The following TRAPPC8 variants were observed in gnomAD, a reference collection of about 807,000 sequenced individuals.
TRAPPC8 encodes the protein trafficking protein particle complex subunit 8, also known as general sporulation gene 1 homolog.
In TRAPPC8, 54 loss-of-function variants were observed where a neutral mutation model predicts 174.3. The ratio of observed to expected loss-of-function variants is 0.31; its 90% CI spans 0.25 to 0.39. TRAPPC8 has a LOEUF of 0.39. TRAPPC8 is among the 10% of genes least tolerant of loss of function. The pLI is 1.00. For synonymous variants in TRAPPC8, 630 were observed against 579.9 expected, an observed-to-expected ratio of 1.09 and a Z score of -1.24; for missense variants, 1,531 against 1,699.1, an observed-to-expected ratio of 0.90 and a Z score of 1.74.
In TRAPPC8 at chr18:31,866,884, A is replaced by G. The variant is rs541344916; in HGVS notation, c.2555T>C (p.Val852Ala). Reference protein sequence around the residue: ...NLGTIQGSMTVDGIGALPGCH... With the variant: ...NLGTIQGSMTADGIGALPGCH... The stretch of plus-strand genomic sequence containing the variant: ...TCCGGGAAGAGCACCAATGCCATCT[A>G]CTGTCATAGAGCCCTGAATAGTGCC... Residue 852 changes from valine to alanine, a missense_variant, in exon 18 of 29, where the codon GTA becomes GCA. Physicochemically the swap from Val to Ala is moderately conservative, Grantham distance 64. Transcript: ENST00000283351. 1 of 1,613,692 alleles carries G rather than the reference A, an allele frequency of 6.2e-7. No homozygotes were observed. Among genetic ancestry groups the G allele is most frequent in the South Asian group, 1.1e-5 (1 of 91,072 alleles).
chr18:31,917,538 T>C (rs1160606999), intron 3 of TRAPPC8, 40 bp downstream of exon 3: 1 of 1,549,046 alleles, frequency 6.5e-7, no homozygotes, highest in East Asian at 2.3e-5. Flanking sequence ...ATAACTTCCA[T>C]AATATTTGAT....
chr18:31,863,210 A>G (rs1469455674), intron 19 of TRAPPC8, among the ~76,000 whole-genome samples: 1 of 152,230 alleles, frequency 6.6e-6, no homozygotes, highest in African/African-American at 2.4e-5. Flanking sequence ...ATTAAAAAAC[A>G]AAAACTGATA....
intron 26 of TRAPPC8, chr18:31,844,928 C>G (rs955122016): frequency 2.0e-5 from 3 of 151,916 alleles, no homozygotes; most frequent in African/African-American, 4.8e-5. Context: ...TAAACTTAAT[C>G]TAATCATGAG....
chr18:31,869,444 A>G (rs1291413594), intron 16 of TRAPPC8, among the ~76,000 whole-genome samples: 1 of 152,228 alleles, frequency 6.6e-6, no homozygotes, highest in Non-Finnish European at 1.5e-5. Flanking sequence ...CTTAGTAAGA[A>G]GCTCATTGGT....
intron 2 of TRAPPC8, among the ~76,000 whole-genome samples, chr18:31,921,371 TGGGA>T (rs1382285343): frequency 1.3e-5 from 2 of 152,074 alleles, no homozygotes; most frequent in African/African-American, 4.8e-5. Flanking sequence ...CCCAACACTT[TGGGA>T]GGCCGAGGCA....
chr18:31,940,686 A>G (rs1284891182), intron 1 of TRAPPC8, among the ~76,000 whole-genome samples: 4 of 151,828 alleles, frequency 2.6e-5, no homozygotes, highest in Non-Finnish European at 5.9e-5. Context: ...TTTAGTAGAA[A>G]CGGGGTTTCA....
chr18:31,926,880 A>C (rs1282650994), intron 2 of TRAPPC8, among the ~76,000 whole-genome samples: 1 of 152,212 alleles, frequency 6.6e-6, no homozygotes, highest in Non-Finnish European at 1.5e-5. Flanking sequence ...AAGGATAGAC[A>C]GTAATTAAGC....
chr18:31,936,984 G>T (rs1043554853), intron 1 of TRAPPC8, among the ~76,000 whole-genome samples: 1 of 151,384 alleles, frequency 6.6e-6, no homozygotes, highest in African/African-American at 2.4e-5. Flanking sequence ...AGGCCAAGGC[G>T]GGTGGATCAC....
chr18:31,862,317 T>G (rs945720249), intron 19 of TRAPPC8, among the ~76,000 whole-genome samples: 1 of 150,460 alleles, frequency 6.6e-6, no homozygotes, highest in African/African-American at 2.5e-5. Context: ...TTAAAGATTA[T>G]AAAAGGGACT....
Position 31,942,851 on chromosome 18 carries a change from G to A in TRAPPC8, c.-87C>T. The A allele has an allele frequency of 7.9e-7, 1 of 1,258,734 alleles. No individual in the cohort carries two copies. Among genetic ancestry groups the A allele is most frequent in the Non-Finnish European group, 1.0e-6 (1 of 1,000,196 alleles). The allele number at this position is 1,258,734 out of a possible 1,614,324, so 78.0% of individuals were successfully genotyped here. A position where few individuals can be genotyped will look rare whatever the true frequency, so the allele number is the denominator to read the frequency against. On this transcript the variant is annotated 5_prime_UTR_variant, in exon 1 of 29. Coordinates refer to ENST00000283351, the MANE Select transcript of TRAPPC8 (RefSeq NM_014939.5). The stretch of plus-strand genomic sequence containing the variant: ...GCTGCAGCAGCTACCGCCGCCGCCC[G>A]CCGGCCTGGCCCGGCCGGGCGGGGC...
At chr18:31,864,459 G>A (rs556382675) in intron 19 of TRAPPC8, among the ~76,000 whole-genome samples, 168 bp downstream of exon 19, 1 of 152,094 alleles carries the variant, frequency 6.6e-6, no homozygotes, top group East Asian at 1.9e-4. Flanking sequence ...ATGGCAATTT[G>A]CATGATTGCC....
chr18:31,935,548 T>TGAAAAAAAAAAAAAAAAA (rs745488703), intron 1 of TRAPPC8, among the ~76,000 whole-genome samples: 629 of 46,248 alleles, frequency 0.014, 190 homozygotes, highest in African/African-American at 0.019. Flanking sequence ...AACTCCATCT[T>TGAAAAAAAAAAAAAAAAA]AAAAAAAAAA....
At chr18:31,854,756 C>A (rs1485441118) in intron 21 of TRAPPC8, among the ~76,000 whole-genome samples, 1 of 151,856 alleles carries the variant, frequency 6.6e-6, no homozygotes, top group East Asian at 1.9e-4. Context: ...ATTACGAGGT[C>A]AGGAGATCGA....
At chr18:31,910,239 G>A (rs761148506) in intron 5 of TRAPPC8, among the ~76,000 whole-genome samples, 3 of 151,966 alleles carry the variant, frequency 2.0e-5, no homozygotes, top group Non-Finnish European at 2.9e-5. Context: ...AATATCTAAC[G>A]CAACGTTTAT....
At chr18:31,849,371 T>A (rs1025766878) in intron 25 of TRAPPC8, among the ~76,000 whole-genome samples, 195 bp downstream of exon 25, 8 of 152,014 alleles carry the variant, frequency 5.3e-5, no homozygotes, top group African/African-American at 1.9e-4. Flanking sequence ...GAAATAACAG[T>A]AACACAGAAG....
At chr18:31,882,448 C>CA (rs2035501893) in intron 12 of TRAPPC8, among the ~76,000 whole-genome samples, 2 of 151,788 alleles carry the variant, frequency 1.3e-5, no homozygotes, top group African/African-American at 4.8e-5. Context: ...CTGGGCACAC[C>CA]AAAAGGGGAG....
intron 1 of TRAPPC8, among the ~76,000 whole-genome samples, chr18:31,940,417 A>C (rs1220554042): frequency 6.6e-6 from 1 of 152,164 alleles, no homozygotes; most frequent in African/African-American, 2.4e-5. Context: ...GTGAGCCAAG[A>C]TCGCGCCACT....
Position 31,861,225 on chromosome 18 carries a change from C to T in TRAPPC8, c.2746-3243G>A, listed in dbSNP as rs545315625. 4.6e-5 allele frequency among the ~76,000 whole-genome samples: 7 copies of T among 152,260 alleles called. No individual in the cohort carries two copies. The South Asian group carries it at 1.2e-3, about 27-fold the overall frequency. ...ACTGATTTTTTTGTTTTTCACTTTA[C>T]AAGCTTTGTTTCATCAACCAAACAC... On this transcript the variant is annotated intron_variant, in intron 19 of 28. Coordinates refer to ENST00000283351, the MANE Select transcript of TRAPPC8 (RefSeq NM_014939.5).
At chr18:31,839,246 TAAAAG>T (rs1262532686) in intron 27 of TRAPPC8, 61 bp downstream of exon 27, 5 of 1,497,886 alleles carry the variant, frequency 3.3e-6, no homozygotes, top group Non-Finnish European at 4.5e-6. Flanking sequence ...ACTGCCAAAA[TAAAAG>T]AAACAAATAC....
Sources: allele counts gnomAD v4.1 joint callset (sites outside exome capture counted in the v4.1 genomes callset), GRCh38; gene constraint gnomAD v4.1.1; transcripts MANE v1.5; gene names NCBI Gene and HGNC (gene_info 2026-07-23, HGNC 2026-07-21).